C8orf76: variants seen among roughly 807,000 people sequenced by gnomAD.
C8orf76 encodes the protein uncharacterized protein C8orf76.
A neutral mutation model predicts 38.1 loss-of-function variants in C8orf76; 46 were observed. The ratio of observed to expected loss-of-function variants is 1.21; its 90% confidence interval spans 0.95 to 1.54. C8orf76 has a LOEUF of 1.54. Ranked by LOEUF, C8orf76 falls within the 40% of genes most tolerant of loss-of-function variation. C8orf76 has a pLI of 0.00. For synonymous variants in C8orf76, 166 were observed against 167.5 expected (o/e 0.99, Z 0.07); for missense variants, 461 against 441.6 (o/e 1.04, Z -0.39).
At chr8:123,238,888 C>G in intron 2 of C8orf76, 161 bp downstream of exon 2, 1 of 644,206 alleles carries the variant, frequency 1.6e-6, no homozygotes, top group Non-Finnish European at 2.6e-6. Flanking sequence ...CAGAGCCAAG[C>G]AGAAAAGAAC....
chr8:123,231,968 A>G (rs1199602261), intron 3 of C8orf76, among the ~76,000 whole-genome samples: 1 of 152,210 alleles, frequency 6.6e-6, no homozygotes, highest in Non-Finnish European at 1.5e-5. Flanking sequence ...GTCACCAGCC[A>G]TTCCCAAACA....
In C8orf76 at chr8:123,235,212, T is replaced by C. The variant is rs558167453; in HGVS notation, c.357+2586A>G. On this transcript the variant is annotated intron_variant, in intron 3 of 5. Coordinates refer to ENST00000276704, the MANE Select transcript of C8orf76 (RefSeq NM_032847.3). Reference sequence around the variant, plus strand: ...CCACTATAAGAAAATGTTGTAATTATTTAAGAAATAAGTCCTACTATAAAT... The same window carrying C: ...CCACTATAAGAAAATGTTGTAATTACTTAAGAAATAAGTCCTACTATAAAT... Among the ~76,000 whole-genome samples, 4 of 152,282 alleles carry C rather than the reference T, an allele frequency of 2.6e-5. No individual in the cohort carries two copies. In the East Asian group the frequency reaches 7.7e-4, roughly 29 times the overall value.
intron 3 of C8orf76, among the ~76,000 whole-genome samples, chr8:123,232,468 T>C (rs1033778875): frequency 7.9e-5 from 12 of 152,236 alleles, no homozygotes; most frequent in African/African-American, 2.9e-4. Context: ...AAAACAGGCC[T>C]GCTTTTTGTA....
rs1447388258 is a variant in C8orf76, at chr8:123,241,316, C to G, written c.31G>C (p.Glu11Gln). The G allele has an allele frequency of 1.9e-6, 3 of 1,571,640 alleles. No homozygotes were observed. Among genetic ancestry groups the G allele is most frequent in the Non-Finnish European group, 2.6e-6 (3 of 1,164,182 alleles). ...TCCTCGAACACCGAGTCCTCGAACT[C>G]GCCGCCGAACAACCAGCACCCGGAA... Reference protein sequence around the residue: MDSGCWLFGGEFEDSVFEERP... With the variant: MDSGCWLFGGQFEDSVFEERP... The change falls in exon 1 of 6, where the codon GAG becomes CAG. Residue 11 changes from glutamate to glutamine, a missense_variant. Coordinates refer to ENST00000276704, the MANE Select transcript of C8orf76 (RefSeq NM_032847.3).
intron 3 of C8orf76, among the ~76,000 whole-genome samples, chr8:123,235,714 A>G (rs1190863551): frequency 6.6e-6 from 1 of 152,166 alleles, no homozygotes; most frequent in Non-Finnish European, 1.5e-5. Flanking sequence ...GCATCGGCTG[A>G]TTGGCAACAG....
At chr8:123,235,043 T>C (rs1397509262) in intron 3 of C8orf76, among the ~76,000 whole-genome samples, 1 of 152,290 alleles carries the variant, frequency 6.6e-6, no homozygotes, top group Non-Finnish European at 1.5e-5. Context: ...ACACGATATA[T>C]TGTTTGTCTC....
chr8:123,237,075 C>T, intron 3 of C8orf76: 1 of 1,161,390 alleles, frequency 8.6e-7, no homozygotes, highest in Non-Finnish European at 1.3e-6. Flanking sequence ...ACTGAGCCTT[C>T]CCTCCGCCAG....
rs1215777855 is a variant in C8orf76, at chr8:123,241,317, G to A, written c.30C>T (p.Gly10=). The change falls in exon 1 of 6, where the codon GGC becomes GGT. Residue 10 remains glycine (G), a synonymous_variant. Coordinates refer to ENST00000276704, the MANE Select transcript of C8orf76 (RefSeq NM_032847.3). MDSGCWLFG[G]EFEDSVFEER... is the part of the protein sequence containing the mutation. The stretch of plus-strand genomic sequence containing the variant: ...CCTCGAACACCGAGTCCTCGAACTC[G>A]CCGCCGAACAACCAGCACCCGGAAT... The A allele has an allele frequency of 5.7e-6, 9 of 1,571,788 alleles. No individual in the cohort carries two copies. Among genetic ancestry groups the A allele is most frequent in the African/African-American group, 2.8e-5 (2 of 70,646 alleles).
intron 3 of C8orf76, among the ~76,000 whole-genome samples, chr8:123,235,523 G>A (rs958879502): frequency 2.6e-5 from 4 of 152,104 alleles, no homozygotes; most frequent in African/African-American, 9.7e-5. Flanking sequence ...GTGCAGACAC[G>A]CAAGGTCCGC....
chr8:123,239,636 C>G (rs1208316588), intron 1 of C8orf76: 1 of 154,148 alleles, frequency 6.5e-6, no homozygotes, highest in African/African-American at 2.4e-5. Flanking sequence ...ATTTGCTTTT[C>G]TACTGATTTA....
intron 5 of C8orf76, 77 bp from the exon 6 acceptor site, chr8:123,220,374 G>A: frequency 9.0e-7 from 1 of 1,117,024 alleles, no homozygotes; most frequent in Non-Finnish European, 1.2e-6. Flanking sequence ...AACTGCGAAG[G>A]CTTTCATTCA....
At chr8:123,240,569 T>G (rs938966) in intron 1 of C8orf76, among the ~76,000 whole-genome samples, 132,793 of 152,280 alleles carry the variant, frequency 0.87, 58,204 homozygotes, top group African/African-American at 0.97. Flanking sequence ...TCACTATTAT[T>G]AATAAAAACT....
At chr8:123,228,511 C>T (rs1159833212) in intron 4 of C8orf76, among the ~76,000 whole-genome samples, 2 of 151,978 alleles carry the variant, frequency 1.3e-5, no homozygotes, top group African/African-American at 4.8e-5. Flanking sequence ...CCCAGCTACT[C>T]GGGAGGCTGA....
At chr8:123,229,089 C>T (rs182911799) in intron 4 of C8orf76, among the ~76,000 whole-genome samples, 2 of 151,882 alleles carry the variant, frequency 1.3e-5, no homozygotes, top group African/African-American at 2.4e-5. Flanking sequence ...GAGCCCTTAC[C>T]ACCAATGCTG....
intron 5 of C8orf76, among the ~76,000 whole-genome samples, chr8:123,222,075 G>C (rs1563796035): frequency 6.6e-6 from 1 of 152,092 alleles, no homozygotes; most frequent in Non-Finnish European, 1.5e-5. Context: ...TGCAACCTCT[G>C]CCTCCTGGAT....
At chr8:123,237,485 C>T (rs1385610565) in intron 3 of C8orf76, among the ~76,000 whole-genome samples, 2 of 152,112 alleles carry the variant, frequency 1.3e-5, no homozygotes, top group Middle Eastern at 3.4e-3. Context: ...AACAATCTAA[C>T]GAAGAAAACA....
chr8:123,241,347 C>T lies in C8orf76; in HGVS notation c.-1G>A. ...CGAACAACCAGCACCCGGAATCCAT[C>T]TCGCGCCCGCGGCGGGGGCAACGAG... On this transcript the variant is annotated 5_prime_UTR_variant, in exon 1 of 6. Coordinates refer to ENST00000276704, the MANE Select transcript of C8orf76 (RefSeq NM_032847.3). 1 of 1,554,216 alleles carries T rather than the reference C, an allele frequency of 6.4e-7. No individual in the cohort carries two copies. The highest frequency in any genetic ancestry group is 8.6e-7 in the Non-Finnish European group (1 of 1,158,368).
intron 3 of C8orf76, among the ~76,000 whole-genome samples, chr8:123,233,736 A>G (rs1297976675): frequency 6.6e-6 from 1 of 151,846 alleles, no homozygotes; most frequent in Admixed American, 6.6e-5. Flanking sequence ...CTGGAAATTA[A>G]ATTCTATTTA....
chr8:123,235,041 T>C (rs1825410782), intron 3 of C8orf76, among the ~76,000 whole-genome samples: 1 of 152,174 alleles, frequency 6.6e-6, no homozygotes, highest in African/African-American at 2.4e-5. Context: ...GTACACGATA[T>C]ATTGTTTGTC....
Sources: gnomAD v4.1 joint callset for allele counts (sites outside exome capture counted in the v4.1 genomes callset) on GRCh38, gnomAD v4.1.1 for gene constraint, MANE v1.5 for transcripts, NCBI Gene and HGNC (gene_info 2026-07-23, HGNC 2026-07-21) for gene names.